The following SYN2 variants were observed in gnomAD, a reference collection of about 807,000 sequenced individuals.
SYN2 encodes synapsin-2.
In SYN2, 19 loss-of-function variants were observed where a neutral mutation model predicts 50.9. The ratio of observed to expected loss-of-function variants is 0.37; its 90% CI spans 0.26 to 0.55. The LOEUF is 0.55. Ranked by LOEUF, SYN2 falls within the 20% of genes least tolerant of loss-of-function variation. SYN2 has a pLI of 0.81. For missense variants in SYN2, 587 were observed against 576.4 expected (o/e 1.02, Z -0.19); for synonymous variants, 255 against 224.9 (o/e 1.13, Z -1.20).
At chr3:12,064,812 T>C (rs553021969) in intron 1 of SYN2, among the ~76,000 whole-genome samples, 13 of 152,208 alleles carry the variant, frequency 8.5e-5, no homozygotes, top group Admixed American at 2.6e-4. Flanking sequence ...AAAAACAGTT[T>C]GTCAGTTCCT....
rs544413462 is a variant in SYN2 at position 12,095,122 on chromosome 3, A to G, written c.378-45529A>G. 9.2e-5 allele frequency among the ~76,000 whole-genome samples: 14 copies of G among 151,852 alleles called. 1 individual carries two copies. Among genetic ancestry groups the G allele is most frequent in the Admixed American group, 9.2e-4 (14 of 15,278 alleles). ...AACTAGTTTGACGAAAGCCAAAGGA[A>G]GAAAACATTTCAAGACAGAATCATC... On this transcript the variant is annotated intron_variant, in intron 1 of 12. Coordinates refer to ENST00000621198, the MANE Select transcript of SYN2 (RefSeq NM_133625.6).
chr3:12,095,180 C>G (rs962405636), intron 1 of SYN2, among the ~76,000 whole-genome samples: 5 of 152,080 alleles, frequency 3.3e-5, no homozygotes, highest in African/African-American at 9.6e-5. Context: ...TCACCTTCCA[C>G]TTACTCTTCA....
chr3:12,070,221 C>T (rs573797361), intron 1 of SYN2: 43 of 411,518 alleles, frequency 1.0e-4, no homozygotes, highest in Admixed American at 9.3e-4. Flanking sequence ...CTCCGCCTGT[C>T]ACAATGGAAG....
chr3:12,130,160 ATGTG>A (rs1211995342), intron 1 of SYN2, among the ~76,000 whole-genome samples: 1 of 151,268 alleles, frequency 6.6e-6, no homozygotes, highest in East Asian at 1.9e-4. Context: ...ACATATATAT[ATGTG>A]TGTGTGAGTA....
intron 1 of SYN2, among the ~76,000 whole-genome samples, chr3:12,039,552 T>TC: frequency 2.8e-5 from 1 of 36,024 alleles, no homozygotes; most frequent in East Asian, 4.1e-4. Flanking sequence ...AGCAAAGATT[T>TC]TTTTTTTTTT....
At chr3:12,164,987 T>C (rs1051765069) in intron 7 of SYN2, among the ~76,000 whole-genome samples, 1 of 135,112 alleles carries the variant, frequency 7.4e-6, no homozygotes, top group Admixed American at 7.3e-5. Context: ...TTCTTTTCTT[T>C]TTTTTTTTTT....
chr3:12,151,343 G>C lies in SYN2; in HGVS notation c.774+17G>C, dbSNP rs765592039. On this transcript the variant is annotated intron_variant, in intron 5 of 12. Coordinates refer to ENST00000621198, the MANE Select transcript of SYN2 (RefSeq NM_133625.6). ...AAAGAGATGGTAAGTGGCTCAGTGG[G>C]GACATTAGTCTTTCTGCTGTTTTCA... 1 of 1,594,698 alleles carries C rather than the reference G, an allele frequency of 6.3e-7. No individual in the cohort carries two copies. The highest frequency in any genetic ancestry group is 1.7e-5 in the Admixed American group (1 of 59,612).
intron 5 of SYN2, among the ~76,000 whole-genome samples, chr3:12,160,406 C>G (rs1441430136): frequency 6.6e-6 from 1 of 152,332 alleles, no homozygotes; most frequent in East Asian, 1.9e-4. Context: ...CCCCCAGTAT[C>G]TGTTCAAATC....
intron 1 of SYN2, chr3:12,071,638 G>T (rs1695356901): frequency 6.1e-6 from 2 of 327,204 alleles, no homozygotes. Flanking sequence ...TGGTCACTTT[G>T]TGGCTGTTGT....
At chr3:12,005,146 C>T (rs1032695016) in intron 1 of SYN2, among the ~76,000 whole-genome samples, 8 of 152,222 alleles carry the variant, frequency 5.3e-5, no homozygotes, top group African/African-American at 1.7e-4. Flanking sequence ...GCTAAAATAC[C>T]CCTCAATTGC....
rs773476806 is a variant in SYN2, at chr3:12,145,779, C to G, written c.628C>G (p.Leu210Val). The G allele has an allele frequency of 1.2e-6, 2 of 1,614,016 alleles. No homozygotes were observed. Among genetic ancestry groups the G allele is most frequent in the Non-Finnish European group, 1.7e-6 (2 of 1,179,882 alleles). ...HLIIGMQYAG[L>V]PSINSLESIY... The stretch of plus-strand genomic sequence containing the variant: ...GATCATTGGTATGCAGTATGCAGGC[C>G]TCCCCAGCATCAACTCACTGGAATC... Residue 210 changes from leucine to valine, a missense_variant, in exon 4 of 13, where the codon CTC becomes GTC. Transcript: ENST00000621198.
At chr3:12,017,738 C>G (rs940364097) in intron 1 of SYN2, among the ~76,000 whole-genome samples, 1 of 152,216 alleles carries the variant, frequency 6.6e-6, no homozygotes, top group African/African-American at 2.4e-5. Flanking sequence ...CAGCTTACTA[C>G]ATGAGTATTT....
At chr3:12,070,676 C>T in intron 1 of SYN2, 2 of 1,183,348 alleles carry the variant, frequency 1.7e-6, no homozygotes, top group South Asian at 2.4e-5. Flanking sequence ...CCTCTGGATG[C>T]ACCACTGGCA....
chr3:12,168,294 C>T, intron 8 of SYN2, 82 bp from the exon 9 acceptor site: 1 of 1,078,960 alleles, frequency 9.3e-7, no homozygotes, highest in Non-Finnish European at 1.4e-6. Context: ...GAGATGGAGG[C>T]AGCAAGGAGA....
intron 1 of SYN2, among the ~76,000 whole-genome samples, chr3:12,058,865 G>A (rs1695053880): frequency 6.6e-6 from 1 of 152,138 alleles, no homozygotes; most frequent in African/African-American, 2.4e-5. Flanking sequence ...TTTAATGCTG[G>A]TTCCAGCTGT....
chr3:12,129,917 A>G (rs980562234), intron 1 of SYN2, among the ~76,000 whole-genome samples: 1 of 152,008 alleles, frequency 6.6e-6, no homozygotes, highest in Non-Finnish European at 1.5e-5. Context: ...GGCCCTCACG[A>G]TGGTGTTAGT....
intron 5 of SYN2, 79 bp downstream of exon 5, chr3:12,151,405 A>G: frequency 1.8e-6 from 2 of 1,138,846 alleles, no homozygotes; most frequent in Admixed American, 3.9e-5. Flanking sequence ...TGGGGCTCTG[A>G]AAAGGGCCTC....
Position 12,145,669 on chromosome 3 carries a change from T to C in SYN2, c.528-10T>C, listed in dbSNP as rs752115073. 4.8e-5 allele frequency: 77 copies of C among 1,613,316 alleles called. No homozygotes were observed. Among genetic ancestry groups the C allele is most frequent in the Non-Finnish European group, 6.5e-5 (77 of 1,179,448 alleles). On this transcript the variant is annotated splice_polypyrimidine_tract_variant and intron_variant, in intron 3 of 12. Transcript: ENST00000621198. ...GGTTAATGGCAAACCTGCCTCTACC[T>C]TCTCACCAGGTCCTTCCGGCCAGAC...
chr3:12,044,486 G>A (rs889695390), intron 1 of SYN2, among the ~76,000 whole-genome samples: 1 of 152,076 alleles, frequency 6.6e-6, no homozygotes, highest in Non-Finnish European at 1.5e-5. Flanking sequence ...AAATAATTAT[G>A]AGCAACCATT....
Sources: allele counts gnomAD v4.1 joint callset (sites outside exome capture counted in the v4.1 genomes callset), GRCh38; gene constraint gnomAD v4.1.1; transcripts MANE v1.5; gene names NCBI Gene and HGNC (gene_info 2026-07-23, HGNC 2026-07-21).